DNM3: variants seen among roughly 807,000 people sequenced by gnomAD.
DNM3 encodes the protein dynamin 3, also known as dynamin-3.
Under a neutral mutation model 101.6 loss-of-function variants are expected in DNM3, and 47 were observed. The observed-to-expected ratio is 0.46, with a 90% CI of 0.37 to 0.59. The LOEUF (loss-of-function observed/expected upper bound fraction) is 0.59, where lower values mean the gene tolerates loss of function less well. Ranked by LOEUF, DNM3 falls within the 20% of genes least tolerant of loss-of-function variation. The pLI is 0.00. For missense variants in DNM3, 849 were observed against 1,085.7 expected, an observed-to-expected ratio of 0.78 and a Z score of 3.06; for synonymous variants, 385 against 387.9, an observed-to-expected ratio of 0.99 and a Z score of 0.09.
intron 18 of DNM3, among the ~76,000 whole-genome samples, chr1:172,381,197 C>T (rs1040151500): frequency 6.6e-6 from 1 of 151,878 alleles, no homozygotes; most frequent in African/African-American, 2.4e-5. Context: ...AGGATATTAT[C>T]CTCGGAGGTA....
chr1:172,228,813 A>G (rs534197341), intron 14 of DNM3, among the ~76,000 whole-genome samples: 2 of 152,130 alleles, frequency 1.3e-5, no homozygotes, highest in Non-Finnish European at 2.9e-5. Flanking sequence ...GTTTATGACC[A>G]GATGTTTTTT....
At chr1:172,240,029 G>A (rs772477588) in intron 14 of DNM3, among the ~76,000 whole-genome samples, 2 of 151,758 alleles carry the variant, frequency 1.3e-5, no homozygotes, top group Non-Finnish European at 2.9e-5. Context: ...CATGGAAGGG[G>A]CCCCCTTTTC....
rs140212985 is a variant in DNM3 at position 172,276,282 on chromosome 1, T to C, written c.1769+22600T>C. ...AATGGTAAATCCTACCTGTGAATGA[T>C]GTCATAGAAGAGAGTCCTGCCTGAT... is the stretch of plus-strand genomic sequence containing the variant. On this transcript the variant is annotated intron_variant, in intron 15 of 20. Transcript: ENST00000627582. Among the ~76,000 whole-genome samples the C allele has an allele frequency of 7.5e-3, 1,146 of 152,074 alleles. 14 individuals are homozygous for C. Among genetic ancestry groups the C allele is most frequent in the African/African-American group, 0.026 (1,062 of 41,512 alleles).
intron 2 of DNM3, among the ~76,000 whole-genome samples, chr1:171,927,309 G>A (rs1247295038): frequency 1.3e-5 from 2 of 152,102 alleles, no homozygotes; most frequent in Admixed American, 6.5e-5. Flanking sequence ...ATGTCATGGG[G>A]GTTTGTGGTA....
intron 4 of DNM3, 144 bp from the exon 5 acceptor site, chr1:172,032,258 G>T: frequency 1.6e-6 from 1 of 642,182 alleles, no homozygotes. Flanking sequence ...CCAAACTCAA[G>T]TAGCACTTAG....
At chr1:172,117,240 C>T (rs530376084) in intron 13 of DNM3, among the ~76,000 whole-genome samples, 1 of 152,054 alleles carries the variant, frequency 6.6e-6, no homozygotes, top group African/African-American at 2.4e-5. Flanking sequence ...AGGCCTAAGC[C>T]TTCTCTCTAT....
At chr1:172,052,009 G>C (rs2050239773) in intron 10 of DNM3, among the ~76,000 whole-genome samples, 1 of 152,114 alleles carries the variant, frequency 6.6e-6, no homozygotes, top group South Asian at 2.1e-4. Flanking sequence ...CTGCCCCATA[G>C]TGCTTCAGTG....
At chr1:172,253,366 A>G (rs1204023391) in intron 14 of DNM3, among the ~76,000 whole-genome samples, 4 of 152,014 alleles carry the variant, frequency 2.6e-5, no homozygotes, top group Non-Finnish European at 5.9e-5. Flanking sequence ...TTTATTCCTT[A>G]ATAGCTGGTA....
intron 15 of DNM3, among the ~76,000 whole-genome samples, chr1:172,299,528 C>T (rs988643078): frequency 6.6e-6 from 1 of 151,998 alleles, no homozygotes; most frequent in Non-Finnish European, 1.5e-5. Flanking sequence ...TTCAACCCTT[C>T]CTCCCTTTTT....
intron 2 of DNM3, among the ~76,000 whole-genome samples, chr1:171,943,588 G>A (rs967973284): frequency 2.0e-5 from 3 of 152,108 alleles, no homozygotes; most frequent in Non-Finnish European, 2.9e-5. Context: ...TCAATCAATT[G>A]CCAATGGGGA....
At chr1:172,005,960 C>A (rs566276817) in intron 4 of DNM3, among the ~76,000 whole-genome samples, 2 of 152,144 alleles carry the variant, frequency 1.3e-5, no homozygotes, top group South Asian at 2.1e-4. Context: ...CCTCCTGTTG[C>A]TGATAAGAAT....
intron 14 of DNM3, among the ~76,000 whole-genome samples, chr1:172,189,062 G>A (rs1215747693): frequency 6.6e-6 from 1 of 152,032 alleles, no homozygotes; most frequent in Non-Finnish European, 1.5e-5. Flanking sequence ...CTGTGTACAT[G>A]CAGTTCTTTT....
intron 15 of DNM3, among the ~76,000 whole-genome samples, chr1:172,283,521 G>A (rs1380379763): frequency 6.6e-6 from 1 of 151,936 alleles, no homozygotes; most frequent in Non-Finnish European, 1.5e-5. Flanking sequence ...CATCACTTTG[G>A]GAGGCCAAGG....
intron 2 of DNM3, among the ~76,000 whole-genome samples, chr1:171,947,451 A>C (rs892209287): frequency 6.6e-6 from 1 of 152,176 alleles, no homozygotes; most frequent in African/African-American, 2.4e-5. Flanking sequence ...TTTTTTAAAA[A>C]TGTTACTCAT....
chr1:171,979,489 G>A (rs1249061675), intron 2 of DNM3, among the ~76,000 whole-genome samples: 1 of 152,170 alleles, frequency 6.6e-6, no homozygotes, highest in East Asian at 1.9e-4. Flanking sequence ...ATAAAATAGA[G>A]TTGATTTTTG....
intron 2 of DNM3, among the ~76,000 whole-genome samples, chr1:171,964,701 T>C (rs1050970289): frequency 3.3e-5 from 5 of 152,202 alleles, no homozygotes; most frequent in African/African-American, 4.8e-5. Flanking sequence ...CCTTGATTCA[T>C]GGTATTCTAC....
chr1:172,265,953 T>G (rs566791710), intron 15 of DNM3, among the ~76,000 whole-genome samples: 1 of 152,342 alleles, frequency 6.6e-6, no homozygotes, highest in African/African-American at 2.4e-5. Context: ...ATATGGTTTA[T>G]CAATATTACC....
chr1:172,122,755 A>C (rs1423127847), intron 13 of DNM3, among the ~76,000 whole-genome samples: 2 of 152,132 alleles, frequency 1.3e-5, no homozygotes, highest in Non-Finnish European at 2.9e-5. Context: ...TATTTTATTC[A>C]ACTGCTGAAT....
intron 13 of DNM3, among the ~76,000 whole-genome samples, chr1:172,098,730 A>G (rs1161962643): frequency 6.6e-6 from 1 of 152,258 alleles, no homozygotes; most frequent in Non-Finnish European, 1.5e-5. Context: ...ATAAATGACC[A>G]TGAAATCTTC....
Sources: gnomAD v4.1 joint callset for allele counts (sites outside exome capture counted in the v4.1 genomes callset) on GRCh38, gnomAD v4.1.1 for gene constraint, MANE v1.5 for transcripts, NCBI Gene and HGNC (gene_info 2026-07-23, HGNC 2026-07-21) for gene names.